Variants in FLG2 observed in about 807,000 individuals in gnomAD.
FLG2 encodes filaggrin-2.
A neutral mutation model predicts 3.9 loss-of-function variants in FLG2; 7 were observed. That is an observed-to-expected ratio of 1.79 (90% CI 1.02 to 3.36). The LOEUF is 3.36. Ranked by LOEUF, FLG2 falls within the 30% of genes most tolerant of loss-of-function variation. The probability of loss-of-function intolerance (pLI) is 0.00; values close to 1 mark genes in which losing one functional copy is unlikely to be tolerated. For missense variants in FLG2, 2,700 were observed against 2,809.4 expected, an observed-to-expected ratio of 0.96 and a Z score of 0.88; for synonymous variants, 1,031 against 1,056.1, an observed-to-expected ratio of 0.98 and a Z score of 0.46.
intron 1 of FLG2, 148 bp from the exon 2 acceptor site, chr1:152,359,054 G>T: frequency 3.0e-6 from 2 of 677,222 alleles, no homozygotes; most frequent in Non-Finnish European, 4.8e-6. Flanking sequence ...ATACAACCCC[G>T]TTTAACACAA....
chr1:152,357,538 A>T lies in FLG2; in HGVS notation c.248T>A (p.Met83Lys), dbSNP rs553137652. 5.6e-6 allele frequency: 9 copies of T among 1,614,098 alleles called. 1 individual carries two copies. The South Asian group carries it at 9.9e-5, about 18-fold the overall frequency. The part of the protein sequence containing the change: ...EFLLMIFKLT[M>K]ACNKVLSKEY... ...TTTGCTGAGGACCTTGTTGCAGGCC[A>T]TAGTCAGCTTGAATATCATCAAAAG... The change falls in exon 3 of 3, where the codon ATG becomes AAG. Residue 83 changes from methionine to lysine, a missense_variant. Transcript: ENST00000388718.
rs1274427028 is a variant in FLG2 at position 152,349,309 on chromosome 1, G to T, written c.*1301C>A. 6.6e-6 allele frequency: 1 copy of T among 152,022 alleles called. No individual in the cohort carries two copies. Among genetic ancestry groups the T allele is most frequent in the African/African-American group, 2.4e-5 (1 of 41,376 alleles). 9.4% of individuals were successfully genotyped at this position (152,022 alleles called of 1,614,324 possible). Reference sequence around the variant, plus strand: ...TTACAGGTGCCCGCTACTGCACCCAGCTAATTTTTGTATTTTTAGTAGAGA... The same window carrying T: ...TTACAGGTGCCCGCTACTGCACCCATCTAATTTTTGTATTTTTAGTAGAGA... On this transcript the variant is annotated 3_prime_UTR_variant, in exon 3 of 3. Coordinates refer to ENST00000388718, the MANE Select transcript of FLG2 (RefSeq NM_001014342.3).
chr1:152,357,675 A>C, intron 2 of FLG2, 28 bp from the exon 3 acceptor site: 3 of 1,546,926 alleles, frequency 1.9e-6, no homozygotes, highest in Non-Finnish European at 2.7e-6. Flanking sequence ...ACCAAGGGAG[A>C]CCTGGTCAGC....
rs1300266354 is a variant in FLG2 at position 152,352,163 on chromosome 1, T to C, written c.5623A>G (p.Arg1875Gly). 13 of 1,613,960 alleles carry C rather than the reference T, an allele frequency of 8.1e-6. No individual in the cohort carries two copies. Among genetic ancestry groups the C allele is most frequent in the Non-Finnish European group, 9.3e-6 (11 of 1,179,966 alleles). ...STQSGSSTTGRRRSGHSESSD... is the reference protein window; with the variant it reads ...STQSGSSTTGGRRSGHSESSD... Reference sequence around the variant, plus strand: ...GACTCACTGTGGCCAGATCTCCTTCTTCCAGTTGTACTGGATCCTGACTGT... The same window carrying C: ...GACTCACTGTGGCCAGATCTCCTTCCTCCAGTTGTACTGGATCCTGACTGT... The change falls in exon 3 of 3, where the codon AGA (arginine) becomes GGA (glycine). Residue 1875 changes from arginine (R) to glycine (G), a missense_variant. Coordinates refer to ENST00000388718, the MANE Select transcript of FLG2 (RefSeq NM_001014342.3).
In FLG2 at chr1:152,358,886, T is replaced by A; in HGVS notation, c.-2A>T. On this transcript the variant is annotated 5_prime_UTR_variant, in exon 2 of 3. In the 5' UTR this introduces an upstream ATG that the reference lacks. Coordinates refer to ENST00000388718, the MANE Select transcript of FLG2 (RefSeq NM_001014342.3). ...AACACTTCTCAAGAGGTCGGTCATC[T>A]TTTTGCAAGTTTAAGTGAACCTGGA... 6.2e-7 allele frequency: 1 copy of A among 1,610,880 alleles called. No homozygotes were observed. The highest frequency in any genetic ancestry group is 8.5e-7 in the Non-Finnish European group (1 of 1,178,904).
rs758000941 is a variant in FLG2, at chr1:152,355,874, G to A, written c.1912C>T (p.Gln638Ter). 1 of 1,599,014 alleles carries A rather than the reference G, an allele frequency of 6.3e-7. No individual in the cohort carries two copies. Among genetic ancestry groups the A allele is most frequent in the African/African-American group, 1.5e-5 (1 of 68,496 alleles). The change falls in exon 3 of 3, where the codon CAG (glutamine) becomes TAG (stop). Residue 638 changes from glutamine to a stop codon, truncating the protein, a stop_gained. Transcript: ENST00000388718. LOFTEE classifies it low-confidence loss of function (END_TRUNC). ...SSGYGQHGSR[Q>*]TSGFGQHGSG... ...CCATGTTGTCCAAAGCCAGATGTCTGTCTAGACCCATGTTGGCCATAGCCA... is the reference window on the plus strand; with the variant it reads ...CCATGTTGTCCAAAGCCAGATGTCTATCTAGACCCATGTTGGCCATAGCCA...
In FLG2 at chr1:152,351,420, T is replaced by C; in HGVS notation, c.6366A>G (p.Ser2122=). 1 of 1,613,496 alleles carries C rather than the reference T, an allele frequency of 6.2e-7. No homozygotes were observed. Among genetic ancestry groups the C allele is most frequent in the South Asian group, 1.1e-5 (1 of 91,030 alleles). The change falls in exon 3 of 3, where the codon TCA becomes TCG. Residue 2122 remains serine (S), a synonymous_variant. Coordinates refer to ENST00000388718, the MANE Select transcript of FLG2 (RefSeq NM_001014342.3). ...EVHSGVSHTH[S]GHTYGQARSQ... is the part of the protein sequence containing the mutation. ...ATCTGGCTTGGCCATAAGTGTGTCC[T>C]GAATGTGTGTGTGAGACCCCTGAGT...
chr1:152,353,222 G>A lies in FLG2; in HGVS notation c.4564C>T (p.His1522Tyr). 1 of 1,567,354 alleles carries A rather than the reference G, an allele frequency of 6.4e-7. No individual in the cohort carries two copies. Among genetic ancestry groups the A allele is most frequent in the Middle Eastern group, 1.7e-4 (1 of 5,824 alleles). Reference sequence around the variant, plus strand: ...CCATGTTGAGATCCACTTTGGCCGTGAGTGTGTCCTGAATGTGTGTGCGAG... The same window carrying A: ...CCATGTTGAGATCCACTTTGGCCGTAAGTGTGTCCTGAATGTGTGTGCGAG... ...GGSHTHSGHT[H>Y]GQSGSQHGES... is the part of the protein sequence containing the mutation. Residue 1522 changes from histidine (H) to tyrosine (Y), a missense_variant, in exon 3 of 3, where the codon CAC (histidine) becomes TAC (tyrosine). Coordinates refer to ENST00000388718, the MANE Select transcript of FLG2 (RefSeq NM_001014342.3).
In FLG2 at chr1:152,350,833, G is replaced by A. The variant is rs1653878745; in HGVS notation, c.6953C>T (p.Thr2318Ile). 2 of 1,614,034 alleles carry A rather than the reference G, an allele frequency of 1.2e-6. No individual in the cohort carries two copies. The highest frequency in any genetic ancestry group is 1.3e-5 in the African/African-American group (1 of 74,910). ...ACTTGCTCTACTAGATCTGGAACCT[G>A]TCTGTGTGGATTGTCCATAACCAGA... ...GHSGYGQSTQ[T>I]GSRSSRASHF... Residue 2318 changes from threonine to isoleucine, a missense_variant, in exon 3 of 3, where the codon ACA becomes ATA. Thr to Ile is a moderately conservative substitution (Grantham distance 89). Transcript: ENST00000388718.
Position 152,356,906 on chromosome 1 carries a change from C to A in FLG2, c.880G>T (p.Ala294Ser). Reference protein sequence around the residue: ...NSSGCGRPQNASSSCQSHRFG... With the variant: ...NSSGCGRPQNSSSSCQSHRFG... ...CTATGTGACTGACAAGAACTTGAAG[C>A]ATTTTGTGGCCTTCCACACCCACTT... Residue 294 changes from alanine to serine, a missense_variant, in exon 3 of 3, where the codon GCT becomes TCT. Coordinates refer to ENST00000388718, the MANE Select transcript of FLG2 (RefSeq NM_001014342.3). The A allele has an allele frequency of 6.2e-7, 1 of 1,614,192 alleles. No homozygotes were observed. The highest frequency in any genetic ancestry group is 8.5e-7 in the Non-Finnish European group (1 of 1,180,038).
rs1179310551 is a variant in FLG2, at chr1:152,354,663, A to G, written c.3123T>C (p.His1041=). 6.2e-7 allele frequency: 1 copy of G among 1,614,088 alleles called. No individual in the cohort carries two copies. Among genetic ancestry groups the G allele is most frequent in the Non-Finnish European group, 8.5e-7 (1 of 1,180,018 alleles). The change falls in exon 3 of 3, where the codon CAT becomes CAC. Residue 1041 remains histidine, a synonymous_variant. Transcript: ENST00000388718. ...SSGQYSGFGQ[H]GSGSDQSSGF... Reference sequence around the variant, plus strand: ...CAGAGGACTGATCTGAGCCTGATCCATGTTGTCCAAAGCCTGAGTATTGGC... The same window carrying G: ...CAGAGGACTGATCTGAGCCTGATCCGTGTTGTCCAAAGCCTGAGTATTGGC...
Position 152,353,247 on chromosome 1 carries a change from G to A in FLG2, c.4539C>T (p.Gly1513=), listed in dbSNP as rs1165960593. 19 of 1,568,168 alleles carry A rather than the reference G, an allele frequency of 1.2e-5. No homozygotes were observed. The highest frequency in any genetic ancestry group is 1.6e-5 in the Non-Finnish European group (18 of 1,156,316). The change falls in exon 3 of 3, where the codon GGC becomes GGT. Residue 1513 remains glycine (G), a synonymous_variant. Transcript: ENST00000388718. ...GAGTGTGTCCTGAATGTGTGTGCGA[G>A]CCCCCTGAGTGCACTTCACTGTCAC... is the stretch of plus-strand genomic sequence containing the variant. ...ESSDSEVHSG[G]SHTHSGHTHG...
In FLG2 at chr1:152,352,348, G is replaced by A. The variant is rs1653978382; in HGVS notation, c.5438C>T (p.Ser1813Leu). ...HSEYSDSEGH[S>L]GFSQRPHSRG... ...TGAGTGTGGTCTTTGTGAGAACCCT[G>A]AGTGCCCTTCACTGTCACTGTACTC... The change falls in exon 3 of 3, where the codon TCA becomes TTA. Residue 1813 changes from serine to leucine, a missense_variant. Physicochemically the swap from Ser to Leu is moderately radical, Grantham distance 145. Transcript: ENST00000388718. 1.9e-6 allele frequency: 3 copies of A among 1,613,060 alleles called. No individual in the cohort carries two copies. Among genetic ancestry groups the A allele is most frequent in the Admixed American group, 3.3e-5 (2 of 59,914 alleles).
Position 152,356,065 on chromosome 1 carries a change from G to T in FLG2, c.1721C>A (p.Ser574Ter). 2 of 1,613,760 alleles carry T rather than the reference G, an allele frequency of 1.2e-6. No homozygotes were observed. Among genetic ancestry groups the T allele is most frequent in the Non-Finnish European group, 1.7e-6 (2 of 1,179,954 alleles). Residue 574 changes from serine (S) to a stop codon, truncating the protein, a stop_gained, in exon 3 of 3, where the codon TCA (serine) becomes TAA (stop). Coordinates refer to ENST00000388718, the MANE Select transcript of FLG2 (RefSeq NM_001014342.3). LOFTEE classifies it low-confidence loss of function (END_TRUNC). ...TSGFGQHGLG[S>*]GQSTGFGQYG... ...TTGGCCAAAGCCAGTGGATTGACCT[G>T]AGCCCAACCCATGTTGTCCAAAGCC...
In FLG2 at chr1:152,353,817, T is replaced by C; in HGVS notation, c.3969A>G (p.Arg1323=). The change falls in exon 3 of 3, where the codon AGA becomes AGG. Residue 1323 remains arginine, a synonymous_variant. Coordinates refer to ENST00000388718, the MANE Select transcript of FLG2 (RefSeq NM_001014342.3). ...TTHGQRGDTT[R]HGHSGHGQST... ...ACTGTCCATGACCAGAATGGCCATG[T>C]CTAGTGGTATCTCCTCTCTGTCCAT... The C allele has an allele frequency of 6.2e-7, 1 of 1,614,078 alleles. No homozygotes were observed. Among genetic ancestry groups the C allele is most frequent in the Non-Finnish European group, 8.5e-7 (1 of 1,179,954 alleles).
chr1:152,355,606 C>A lies in FLG2; in HGVS notation c.2180G>T (p.Gly727Val), dbSNP rs1470147167. Reference protein sequence around the residue: ...SGFGQHELSSGQSSSFGQHGS... With the variant: ...SGFGQHELSSVQSSSFGQHGS... ...ATGTTGGCCAAAGCTGGAAGACTGA[C>A]CTGAGCTTAACTCGTGTTGTCCAAA... Residue 727 changes from glycine (G) to valine (V), a missense_variant, in exon 3 of 3, where the codon GGT becomes GTT. Coordinates refer to ENST00000388718, the MANE Select transcript of FLG2 (RefSeq NM_001014342.3). The A allele has an allele frequency of 1.2e-6, 2 of 1,613,118 alleles. No homozygotes were observed. Among genetic ancestry groups the A allele is most frequent in the Non-Finnish European group, 1.7e-6 (2 of 1,179,908 alleles).
chr1:152,356,280 G>T lies in FLG2; in HGVS notation c.1506C>A (p.Ser502=), dbSNP rs780039098. The change falls in exon 3 of 3, where the codon TCC becomes TCA. Residue 502 remains serine, a synonymous_variant. Coordinates refer to ENST00000388718, the MANE Select transcript of FLG2 (RefSeq NM_001014342.3). ...FGQCGSGSGQ[S]SGFGQHGSVS... ...CAGACCCATGCTGTCCAAAGCCAGA[G>T]GACTGACCTGAGCCTGACCCACATT... The T allele has an allele frequency of 3.1e-6, 5 of 1,613,602 alleles. No individual in the cohort carries two copies. In the East Asian group the frequency reaches 1.1e-4, roughly 36 times the overall value.
Position 152,353,165 on chromosome 1 carries a change from T to G in FLG2, c.4621A>C (p.Arg1541=). 6.2e-7 allele frequency: 1 copy of G among 1,612,412 alleles called. No homozygotes were observed. The highest frequency in any genetic ancestry group is 8.5e-7 in the Non-Finnish European group (1 of 1,179,430). ...ESESIIHDRH[R]ITHGQTGDTT... Reference sequence around the variant, plus strand: ...TCTCCTGTCTGTCCATGAGTAATTCTGTGTCTGTCATGAATTATGGATTCT... The same window carrying G: ...TCTCCTGTCTGTCCATGAGTAATTCGGTGTCTGTCATGAATTATGGATTCT... Residue 1541 remains arginine, a synonymous_variant, in exon 3 of 3, where the codon AGA becomes CGA. Transcript: ENST00000388718.
chr1:152,354,815 C>G lies in FLG2; in HGVS notation c.2971G>C (p.Glu991Gln), dbSNP rs752827657. ...TAATTAGACTGACTTGATCTAGACT[C>G]ATGCTGTCCAAAGCCAGAGGATTTT... ...SGKSSGFGQHESRSSQSNYGQ... is the reference protein window; with the variant it reads ...SGKSSGFGQHQSRSSQSNYGQ... The change falls in exon 3 of 3, where the codon GAG becomes CAG. Residue 991 changes from glutamate to glutamine, a missense_variant. Physicochemically the swap from Glu to Gln is conservative, Grantham distance 29 (BLOSUM62 2). Coordinates refer to ENST00000388718, the MANE Select transcript of FLG2 (RefSeq NM_001014342.3). 3 of 1,613,620 alleles carry G rather than the reference C, an allele frequency of 1.9e-6. No homozygotes were observed. The highest frequency in any genetic ancestry group is 3.3e-5 in the Admixed American group (2 of 59,992).
Sources: gnomAD v4.1 joint callset for allele counts on GRCh38, gnomAD v4.1.1 for gene constraint, MANE v1.5 for transcripts, NCBI Gene and HGNC (gene_info 2026-07-23, HGNC 2026-07-21) for gene names.